JMJD1C: variants seen among roughly 807,000 people sequenced by gnomAD.
The protein encoded by JMJD1C is jumonji domain containing 1C, also known as jumonji domain-containing protein 1C.
Under a neutral mutation model 245.3 loss-of-function variants are expected in JMJD1C, and 31 were observed. The ratio of observed to expected loss-of-function variants is 0.13; its 90% CI spans 0.09 to 0.17. The LOEUF is 0.17. Ranked by LOEUF, JMJD1C falls within the 10% of genes least tolerant of loss-of-function variation. The pLI is 1.00. For missense variants in JMJD1C, 2,691 were observed against 3,000.2 expected (o/e 0.90, Z 2.41); for synonymous variants, 1,057 against 1,017.4 (o/e 1.04, Z -0.74).
At chr10:63,357,573 T>C (rs1944954475) in intron 2 of JMJD1C, among the ~76,000 whole-genome samples, 1 of 152,114 alleles carries the variant, frequency 6.6e-6, no homozygotes, top group Non-Finnish European at 1.5e-5. Context: ...CCCAACGTGC[T>C]GGGATTACAG....
chr10:63,202,643 A>G, intron 10 of JMJD1C: 1 of 985,430 alleles, frequency 1.0e-6, no homozygotes, highest in Non-Finnish European at 1.2e-6. Context: ...GTAAGGAGCC[A>G]TTTGGCTTAA....
chr10:63,440,401 G>A (rs1161568263), intron 1 of JMJD1C, among the ~76,000 whole-genome samples: 4 of 150,858 alleles, frequency 2.7e-5, no homozygotes, highest in African/African-American at 7.3e-5. Context: ...GCAAGCGTGC[G>A]AGCACACGAA....
chr10:63,218,570 A>G (rs1222047316), intron 4 of JMJD1C, among the ~76,000 whole-genome samples: 1 of 152,138 alleles, frequency 6.6e-6, no homozygotes, highest in Non-Finnish European at 1.5e-5. Context: ...TTCAATTCCC[A>G]TTAACAAACA....
At chr10:63,451,978 T>C (rs1056370049) in intron 1 of JMJD1C, among the ~76,000 whole-genome samples, 2 of 152,158 alleles carry the variant, frequency 1.3e-5, no homozygotes, top group East Asian at 1.9e-4. Flanking sequence ...GCTGAAACTA[T>C]AGAAGACTTA....
At chr10:63,473,933 C>G (rs1029605815) in intron 1 of JMJD1C, among the ~76,000 whole-genome samples, 6 of 151,874 alleles carry the variant, frequency 4.0e-5, no homozygotes, top group Non-Finnish European at 7.4e-5. Context: ...ATCCCAGCTA[C>G]TCAGGAGGCT....
chr10:63,212,530 A>G (rs1589161856), intron 8 of JMJD1C, among the ~76,000 whole-genome samples: 1 of 152,268 alleles, frequency 6.6e-6, no homozygotes, highest in South Asian at 2.1e-4. Context: ...ATGGCTCATG[A>G]ATGAACAAGA....
chr10:63,265,422 C>A (rs905344731), intron 2 of JMJD1C, among the ~76,000 whole-genome samples: 10 of 152,064 alleles, frequency 6.6e-5, no homozygotes, highest in African/African-American at 2.4e-4. Context: ...AAAAGTCAAT[C>A]CAAGGTCATT....
chr10:63,500,932 C>A (rs1329881682), intron 1 of JMJD1C, among the ~76,000 whole-genome samples: 1 of 152,202 alleles, frequency 6.6e-6, no homozygotes, highest in Non-Finnish European at 1.5e-5. Flanking sequence ...ACAGTTAATA[C>A]ATTTTTCAAA....
At chr10:63,262,971 G>A (rs1253490686) in intron 3 of JMJD1C, among the ~76,000 whole-genome samples, 1 of 152,078 alleles carries the variant, frequency 6.6e-6, no homozygotes, top group Non-Finnish European at 1.5e-5. Flanking sequence ...GCTGAAACTT[G>A]GTTCCAAAAG....
intron 3 of JMJD1C, among the ~76,000 whole-genome samples, chr10:63,243,122 T>TATAA (rs967493230): frequency 8.0e-5 from 7 of 87,174 alleles, no homozygotes; most frequent in Non-Finnish European, 1.3e-4. Flanking sequence ...TATATATATA[T>TATAA]ATAAATATAT....
intron 1 of JMJD1C, among the ~76,000 whole-genome samples, chr10:63,438,924 AT>A (rs1951207725): frequency 1.3e-5 from 2 of 152,164 alleles, no homozygotes; most frequent in Admixed American, 1.3e-4. Context: ...CATCATACTC[AT>A]TTATCTTCTT....
At position 63,370,901 on chromosome 10, in the gene JMJD1C, T is replaced by C. The variant is rs545665144; in HGVS notation, c.333+9417A>G. On this transcript the variant is annotated intron_variant, in intron 2 of 25. Transcript: ENST00000399262. ...TTCCAATTTGCTAGGAAATAATAGT[T>C]GTTTTTTAGGGAAAAGACAATTTTG... is the stretch of plus-strand genomic sequence containing the variant. Among the ~76,000 whole-genome samples the C allele has an allele frequency of 7.2e-5, 11 of 152,326 alleles. No individual in the cohort carries two copies. The South Asian group carries it at 2.3e-3, about 32-fold the overall frequency.
intron 1 of JMJD1C, among the ~76,000 whole-genome samples, chr10:63,456,625 C>G (rs1040672536): frequency 6.6e-6 from 1 of 152,098 alleles, no homozygotes; most frequent in African/African-American, 2.4e-5. Flanking sequence ...ATTAGTCACA[C>G]AGACCTCTTC....
At chr10:63,275,736 T>C (rs987846207) in intron 2 of JMJD1C, among the ~76,000 whole-genome samples, 3 of 152,214 alleles carry the variant, frequency 2.0e-5, no homozygotes, top group African/African-American at 4.8e-5. Context: ...TTGAGAAAAT[T>C]TGTAAAATAA....
chr10:63,221,689 G>C (rs759104382), intron 3 of JMJD1C, among the ~76,000 whole-genome samples: 1 of 152,190 alleles, frequency 6.6e-6, no homozygotes, highest in African/African-American at 2.4e-5. Context: ...CCAGCTGACA[G>C]TCTAGTCGAT....
chr10:63,210,330 G>C (rs191820215), intron 8 of JMJD1C, among the ~76,000 whole-genome samples: 1 of 152,122 alleles, frequency 6.6e-6, no homozygotes, highest in East Asian at 1.9e-4. Flanking sequence ...GTCAATAGTA[G>C]GGGGTAAGAT....
At chr10:63,330,943 T>C (rs1324673886) in intron 2 of JMJD1C, among the ~76,000 whole-genome samples, 2 of 152,312 alleles carry the variant, frequency 1.3e-5, no homozygotes, top group South Asian at 2.1e-4. Context: ...CTGTTCAAGG[T>C]AGGCATTCCT....
In JMJD1C at chr10:63,208,507, T is replaced by C. The variant is rs377124953; in HGVS notation, c.3162A>G (p.Ser1054=). The change falls in exon 10 of 26, where the codon TCA becomes TCG. Residue 1054 remains serine, a synonymous_variant. Transcript: ENST00000399262. The part of the protein sequence containing the change: ...GERENYSRVA[S]SSSSPKSHII... The stretch of plus-strand genomic sequence containing the variant: ...TATGGCTTTTAGGACTGGAAGATGA[T>C]GATGCCACTCTGGAATAATTCTCTC... 14 of 1,614,030 alleles carry C rather than the reference T, an allele frequency of 8.7e-6. No individual in the cohort carries two copies. The African/African-American group carries it at 1.7e-4, about 20-fold the overall frequency.
At chr10:63,177,650 A>G in intron 23 of JMJD1C, 67 bp downstream of exon 23, 1 of 1,505,048 alleles carries the variant, frequency 6.6e-7, no homozygotes, top group South Asian at 1.2e-5. Context: ...TGCCAAGTGA[A>G]GGTACGGCAA....
Sources: gnomAD v4.1 joint callset for allele counts (sites outside exome capture counted in the v4.1 genomes callset) on GRCh38, gnomAD v4.1.1 for gene constraint, MANE v1.5 for transcripts, NCBI Gene and HGNC (gene_info 2026-07-23, HGNC 2026-07-21) for gene names.